Variants in ACER1 observed in about 807,000 individuals in gnomAD.
ACER1 encodes the protein CTB-180A7.3.
In ACER1, 28 loss-of-function variants were observed where a neutral mutation model predicts 24.9. The observed-to-expected ratio is 1.13, with a 90% CI of 0.83 to 1.54. The LOEUF is 1.54. Among genes scored for constraint, ACER1 ranks in the 40% most tolerant of loss-of-function variants. The probability of loss-of-function intolerance (pLI) is 0.00; values close to 1 mark genes in which losing one functional copy is unlikely to be tolerated. For synonymous variants in ACER1, 132 were observed against 131.4 expected (o/e 1.00, Z -0.03); for missense variants, 352 against 349.3 (o/e 1.01, Z -0.06).
chr19:6,331,882 C>T (rs1042513802), intron 1 of ACER1, among the ~76,000 whole-genome samples: 5 of 152,198 alleles, frequency 3.3e-5, no homozygotes, highest in Non-Finnish European at 7.3e-5. Flanking sequence ...TCTGTGTTCC[C>T]AGCACCCAGT....
the ACER1 span, among the ~76,000 whole-genome samples, chr19:6,342,245 G>C: frequency 6.9e-6 from 1 of 144,154 alleles, no homozygotes; most frequent in Non-Finnish European, 1.5e-5. Flanking sequence ...TTGTGTAAGA[G>C]AGTATCCTAG....
intron 1 of ACER1, among the ~76,000 whole-genome samples, chr19:6,317,060 G>T (rs10853993): frequency 1.4e-5 from 2 of 140,390 alleles, no homozygotes; most frequent in Non-Finnish European, 3.0e-5. Context: ...TGCAACCTCC[G>T]CATCCTGGGT....
At chr19:6,329,163 AAAAAT>A (rs1191519411) in intron 1 of ACER1, among the ~76,000 whole-genome samples, 1 of 151,806 alleles carries the variant, frequency 6.6e-6, no homozygotes, top group East Asian at 1.9e-4. Flanking sequence ...CAGGTAAAAT[AAAAAT>A]AAAATAAAAT....
chr19:6,325,765 C>T lies in ACER1; in HGVS notation c.93+7694G>A, dbSNP rs933031202. Among the ~76,000 whole-genome samples, 11 of 152,152 alleles carry T rather than the reference C, an allele frequency of 7.2e-5. No individual in the cohort carries two copies. In the East Asian group the frequency reaches 1.2e-3, roughly 16 times the overall value. Reference sequence around the variant, plus strand: ...ATCCCAGCTACTCTGGGGGCTGAGACGGGAGGACTGCTGGAGCCCAGGAGT... The same window carrying T: ...ATCCCAGCTACTCTGGGGGCTGAGATGGGAGGACTGCTGGAGCCCAGGAGT... On this transcript the variant is annotated intron_variant, in intron 1 of 5. Transcript: ENST00000301452.
chr19:6,312,108 C>T, intron 3 of ACER1, 41 bp downstream of exon 3: 2 of 1,602,096 alleles, frequency 1.2e-6, no homozygotes, highest in African/African-American at 2.7e-5. Flanking sequence ...CAACTGAAGA[C>T]TCAGACCCCA....
chr19:6,348,710 G>C, the ACER1 span, among the ~76,000 whole-genome samples: 4 of 152,150 alleles, frequency 2.6e-5, no homozygotes, highest in South Asian at 6.2e-4. Context: ...AACAGATCCT[G>C]AGAAATAATT....
upstream of ACER1, among the ~76,000 whole-genome samples, chr19:6,336,819 C>CAAAA (rs57500077): frequency 3.0e-5 from 2 of 67,774 alleles, no homozygotes; most frequent in African/African-American, 4.7e-5. Flanking sequence ...GACCCCGACT[C>CAAAA]AAAAAAAAAA....
At chr19:6,332,756 C>T (rs558196103) in intron 1 of ACER1, among the ~76,000 whole-genome samples, 31 of 152,116 alleles carry the variant, frequency 2.0e-4, no homozygotes, top group Non-Finnish European at 3.8e-4. Context: ...CTGCAACCTC[C>T]GCCTCCTGGG....
chr19:6,355,535 G>A, the ACER1 span, among the ~76,000 whole-genome samples: 1 of 150,318 alleles, frequency 6.7e-6, no homozygotes, highest in Non-Finnish European at 1.5e-5. Flanking sequence ...GGGAAATGAG[G>A]AGCGTCTCTG....
intron 1 of ACER1, among the ~76,000 whole-genome samples, chr19:6,322,792 T>C (rs1382105605): frequency 2.0e-5 from 3 of 152,046 alleles, no homozygotes; most frequent in Non-Finnish European, 4.4e-5. Flanking sequence ...AGCGAATGAG[T>C]CTCATGAGAT....
upstream of ACER1, among the ~76,000 whole-genome samples, chr19:6,335,224 C>CTTTTTT (rs146932699): frequency 0.021 from 2,113 of 102,122 alleles, 65 homozygotes; most frequent in Non-Finnish European, 0.026. Context: ...ATTTAACGTT[C>CTTTTTT]TTTTTTTTTT....
chr19:6,313,397 T>C (rs1244325371), intron 1 of ACER1, among the ~76,000 whole-genome samples: 1 of 152,144 alleles, frequency 6.6e-6, no homozygotes, highest in Non-Finnish European at 1.5e-5. Context: ...AAATTACAGG[T>C]ATGAACCACT....
intron 4 of ACER1, among the ~76,000 whole-genome samples, chr19:6,307,967 C>T (rs1408187492): frequency 6.6e-6 from 1 of 151,366 alleles, no homozygotes; most frequent in Non-Finnish European, 1.5e-5. Context: ...TGGTGGCCGC[C>T]TGTAATCCCA....
Position 6,306,830 on chromosome 19 carries a change from C to G in ACER1, c.679G>C (p.Val227Leu). Reference sequence around the variant, plus strand: ...CCTGGCATCTCATAGTTGGCATCCACCAAGGCCATGGTGACCATGCCATAA... The same window carrying G: ...CCTGGCATCTCATAGTTGGCATCCAGCAAGGCCATGGTGACCATGCCATAA... ...FPYGMVTMAL[V>L]DANYEMPGET... The change falls in exon 6 of 6, where the codon GTG becomes CTG. Residue 227 changes from valine (V) to leucine (L), a missense_variant. Coordinates refer to ENST00000301452, the MANE Select transcript of ACER1 (RefSeq NM_133492.3). The G allele has an allele frequency of 6.2e-7, 1 of 1,614,198 alleles. No individual in the cohort carries two copies. The highest frequency in any genetic ancestry group is 1.1e-5 in the South Asian group (1 of 91,084).
At chr19:6,332,062 G>A (rs921813254) in intron 1 of ACER1, among the ~76,000 whole-genome samples, 1 of 151,292 alleles carries the variant, frequency 6.6e-6, no homozygotes, top group Admixed American at 6.6e-5. Flanking sequence ...CGCCTCCTGG[G>A]TTCAAGCCAT....
At chr19:6,355,240 G>A in the ACER1 span, among the ~76,000 whole-genome samples, 8 of 151,838 alleles carry the variant, frequency 5.3e-5, no homozygotes, top group Admixed American at 2.0e-4. Flanking sequence ...CTGCCCGGCC[G>A]CCACCCTGTC....
chr19:6,326,458 T>A (rs2091662519), intron 1 of ACER1, among the ~76,000 whole-genome samples: 1 of 150,864 alleles, frequency 6.6e-6, no homozygotes, highest in African/African-American at 2.4e-5. Context: ...AGTGATGGGG[T>A]CTTGCTATAT....
At chr19:6,339,376 T>C in the ACER1 span, among the ~76,000 whole-genome samples, 2 of 151,240 alleles carry the variant, frequency 1.3e-5, no homozygotes, top group Non-Finnish European at 2.9e-5. Context: ...AAAGGACAAA[T>C]CCTGTGTGAT....
chr19:6,337,147 G>C (rs775834126), upstream of ACER1, among the ~76,000 whole-genome samples: 5 of 150,296 alleles, frequency 3.3e-5, no homozygotes, highest in Non-Finnish European at 5.9e-5. Flanking sequence ...CTGCACTCCA[G>C]CCTGGGCGAC....
Sources: gnomAD v4.1 joint callset for allele counts (sites outside exome capture counted in the v4.1 genomes callset) on GRCh38, gnomAD v4.1.1 for gene constraint, MANE v1.5 for transcripts, NCBI Gene and HGNC (gene_info 2026-07-23, HGNC 2026-07-21) for gene names.